Variants in C6orf141 observed in about 807,000 individuals in gnomAD.
The protein encoded by C6orf141 is uncharacterized protein C6orf141.
For synonymous variants in C6orf141, 164 were observed against 140.5 expected (o/e 1.17, Z -1.18); for missense variants, 361 against 335.8 (o/e 1.07, Z -0.59).
rs763659774 is a variant in C6orf141 at position 49,551,408 on chromosome 6, C to G, written c.616C>G (p.Arg206Gly). The stretch of plus-strand genomic sequence containing the variant: ...CAGTAGAGAGGGACAGCCTGGGGAA[C>G]GCTGGGGCCCTGCTGAATCCCGGGC... ...RSSREGQPGE[R>G]WGPAESRALQ... Residue 206 changes from arginine to glycine, a missense_variant, in exon 1 of 1, where the codon CGC becomes GGC. Coordinates refer to ENST00000529246, the MANE Select transcript of C6orf141 (RefSeq NM_001145652.2). 2.1e-4 allele frequency: 331 copies of G among 1,551,534 alleles called. No individual in the cohort carries two copies. Among genetic ancestry groups the G allele is most frequent in the Non-Finnish European group, 2.6e-4 (300 of 1,146,986 alleles).
chr6:49,550,966 G>C lies in C6orf141; in HGVS notation c.174G>C (p.Gln58His). Residue 58 changes from glutamine (Q) to histidine (H), a missense_variant, in exon 1 of 1, where the codon CAG becomes CAC. Physicochemically the swap from Gln to His is conservative, Grantham distance 24 (BLOSUM62 0). Coordinates refer to ENST00000529246, the MANE Select transcript of C6orf141 (RefSeq NM_001145652.2). ...CGACGGCAGGGGCGAGCCGAAGCCA[G>C]GGCGGCGGCCACGAGGACAGAACGG... The part of the protein sequence containing the change: ...NPATAGASRS[Q>H]GGGHEDRTAD... 2 of 1,550,426 alleles carry C rather than the reference G, an allele frequency of 1.3e-6. No individual in the cohort carries two copies. The highest frequency in any genetic ancestry group is 1.7e-6 in the Non-Finnish European group (2 of 1,146,624).
chr6:49,558,419 A>G lies in C6orf141; in HGVS notation c.*763+3262A>G, dbSNP rs76586995. Reference sequence around the variant, plus strand: ...CCCTGAGTTGGAAAAAAAAAAAAAAAAGAGAGAGAGAGAGAGAAGCTGGCA... The same window carrying G: ...CCCTGAGTTGGAAAAAAAAAAAAAAGAGAGAGAGAGAGAGAGAAGCTGGCA... On this transcript the variant is annotated intron_variant and NMD_transcript_variant, in intron 4 of 4. Coordinates refer to the C6orf141 transcript ENST00000371194. 5.4e-3 allele frequency among the ~76,000 whole-genome samples: 779 copies of G among 145,204 alleles called. 2 individuals carry two copies. Among genetic ancestry groups the G allele is most frequent in the African/African-American group, 0.012 (444 of 38,518 alleles).
chr6:49,556,808 T>TG, downstream of C6orf141, among the ~76,000 whole-genome samples: 1 of 152,352 alleles, frequency 6.6e-6, no homozygotes, highest in South Asian at 2.1e-4. Context: ...CTTCTCTAGA[T>TG]GAAGATAAAG....
chr6:49,559,182 A>C, intron 4 of C6orf141, among the ~76,000 whole-genome samples: 1 of 788 alleles, frequency 1.3e-3, no homozygotes, highest in African/African-American at 8.1e-3. Flanking sequence ...ATATATATAT[A>C]TATATATATA....
At chr6:49,554,102 ATCT>A, downstream of C6orf141, among the ~76,000 whole-genome samples, 1 of 152,294 alleles carries the variant, frequency 6.6e-6, no homozygotes, top group South Asian at 2.1e-4. Flanking sequence ...TGACCTTCAC[ATCT>A]TCTGTAGGGA....
chr6:49,561,190 T>A (rs557971005), intron 4 of C6orf141, among the ~76,000 whole-genome samples: 1 of 151,992 alleles, frequency 6.6e-6, no homozygotes, highest in African/African-American at 2.4e-5. Flanking sequence ...CTCTGCCTCC[T>A]GGGTTCAAGC....
rs150665561 is a variant in C6orf141 at position 49,559,526 on chromosome 6, T to A, written c.*764-2178T>A. Among the ~76,000 whole-genome samples the A allele has an allele frequency of 3.6e-3, 541 of 152,120 alleles. 3 individuals are homozygous for A. The highest frequency in any genetic ancestry group is 9.8e-3 in the Admixed American group (149 of 15,260). On this transcript the variant is annotated intron_variant and NMD_transcript_variant, in intron 4 of 4. Coordinates refer to the C6orf141 transcript ENST00000371194. ...AAGTCCACCTAGGCATGGGGTATTATCTAGTGGTCACTGGGGTTATAGCAT... is the reference window on the plus strand; with the variant it reads ...AAGTCCACCTAGGCATGGGGTATTAACTAGTGGTCACTGGGGTTATAGCAT...
downstream of C6orf141, chr6:49,554,850 C>T (rs894825880): frequency 1.3e-5 from 2 of 152,090 alleles, no homozygotes; most frequent in African/African-American, 4.8e-5. Flanking sequence ...AGTAGTAAGT[C>T]CAAATACTGT....
downstream of C6orf141, chr6:49,552,246 A>G (rs1183282021): frequency 2.0e-5 from 3 of 152,258 alleles, no homozygotes; most frequent in African/African-American, 7.2e-5. Context: ...GTTCTGAACT[A>G]AAGGTAGATA....
chr6:49,555,513 C>CTTTTTTTTTTT (rs55766532), downstream of C6orf141, among the ~76,000 whole-genome samples: 1 of 132,610 alleles, frequency 7.5e-6, no homozygotes, highest in African/African-American at 2.8e-5. Context: ...CCAGGCTAGT[C>CTTTTTTTTTTT]TTTTTTTTTT....
At chr6:49,556,301 A>G (rs1013500630), downstream of C6orf141, among the ~76,000 whole-genome samples, 1 of 152,238 alleles carries the variant, frequency 6.6e-6, no homozygotes, top group African/African-American at 2.4e-5. Context: ...ATTAATTGTT[A>G]ACAATGCCAT....
chr6:49,558,069 T>G (rs1464316268), intron 4 of C6orf141, among the ~76,000 whole-genome samples: 23 of 138,142 alleles, frequency 1.7e-4, no homozygotes, highest in Middle Eastern at 3.6e-3. Context: ...GTTTTTTTTT[T>G]TTTTTTTTTT....
At chr6:49,561,682 T>G (rs1332650232) in intron 4 of C6orf141, 1 of 152,122 alleles carries the variant, frequency 6.6e-6, no homozygotes, top group African/African-American at 2.4e-5. Context: ...TAATTAAAAC[T>G]TATTCTTTTC....
At position 49,551,340 on chromosome 6, in the gene C6orf141, C is replaced by T; in HGVS notation, c.548C>T (p.Thr183Met). 4 of 1,551,680 alleles carry T rather than the reference C, an allele frequency of 2.6e-6. No individual in the cohort carries two copies. Among genetic ancestry groups the T allele is most frequent in the Non-Finnish European group, 3.5e-6 (4 of 1,146,994 alleles). ...TCCTGGGCCAAGGGTCGCATGACCACGAGGACTGAGGAGCACTTCGTGACC... is the reference window on the plus strand; with the variant it reads ...TCCTGGGCCAAGGGTCGCATGACCATGAGGACTGAGGAGCACTTCGTGACC... ...QTSWAKGRMTTRTEEHFVTAL... is the reference protein window; with the variant it reads ...QTSWAKGRMTMRTEEHFVTAL... Residue 183 changes from threonine to methionine, a missense_variant, in exon 1 of 1, where the codon ACG becomes ATG. Coordinates refer to ENST00000529246, the MANE Select transcript of C6orf141 (RefSeq NM_001145652.2).
At chr6:49,551,438 C>T (rs927059926) in exon 1 of C6orf141, 2 of 1,551,564 alleles carry the variant, frequency 1.3e-6, no homozygotes, top group Non-Finnish European at 1.7e-6. Context: ...CCGGGCTCTC[C>T]AGGCACGAAC....
At chr6:49,553,620 GCTGC>G (rs1771139813), downstream of C6orf141, among the ~76,000 whole-genome samples, 1 of 152,166 alleles carries the variant, frequency 6.6e-6, no homozygotes, top group South Asian at 2.1e-4. Context: ...GCATCACTCA[GCTGC>G]CTTCTCTGGA....
chr6:49,561,390 C>T (rs6905794), intron 4 of C6orf141, among the ~76,000 whole-genome samples: 30,855 of 152,114 alleles, frequency 0.2, 3,974 homozygotes, highest in African/African-American at 0.36. Flanking sequence ...TGAGCCACCG[C>T]GCCTGGCCAG....
In C6orf141 at chr6:49,551,531, G is replaced by A. The variant is rs749990749; in HGVS notation, c.*4G>A. ...GCTCGAGGAAATTAAACTCTAATGA[G>A]TAGCTCGAGAAATGTTCCGGGATGG... On this transcript the variant is annotated 3_prime_UTR_variant, in exon 1 of 1. Transcript: ENST00000529246. 92 of 1,549,478 alleles carry A rather than the reference G, an allele frequency of 5.9e-5. No individual in the cohort carries two copies. Among genetic ancestry groups the A allele is most frequent in the Non-Finnish European group, 4.0e-5 (46 of 1,146,786 alleles).
At chr6:49,559,938 G>T (rs774479667) in intron 4 of C6orf141, among the ~76,000 whole-genome samples, 1 of 152,188 alleles carries the variant, frequency 6.6e-6, no homozygotes, top group East Asian at 1.9e-4. Context: ...AGGCTCCTGA[G>T]GTTATAGGGT....
Sources: allele counts gnomAD v4.1 joint callset (sites outside exome capture counted in the v4.1 genomes callset), GRCh38; gene constraint gnomAD v4.1.1; transcripts MANE v1.5; gene names NCBI Gene and HGNC (gene_info 2026-07-23, HGNC 2026-07-21).